CACNA2D1: variants seen among roughly 807,000 people sequenced by gnomAD.
CACNA2D1 encodes the protein voltage-dependent calcium channel subunit alpha-2/delta-1.
A neutral mutation model predicts 171.5 loss-of-function variants in CACNA2D1; 53 were observed. The ratio of observed to expected loss-of-function variants is 0.31; its 90% CI spans 0.25 to 0.39. The LOEUF is 0.39. CACNA2D1 is among the 10% of genes least tolerant of loss of function. CACNA2D1 has a pLI of 1.00. For synonymous variants in CACNA2D1, 442 were observed against 443.1 expected, an observed-to-expected ratio of 1.00 and a Z score of 0.03; for missense variants, 903 against 1,299.8, an observed-to-expected ratio of 0.69 and a Z score of 4.69.
chr7:81,969,413 C>T (rs905115630), intron 28 of CACNA2D1, among the ~76,000 whole-genome samples: 2 of 151,244 alleles, frequency 1.3e-5, no homozygotes, highest in Non-Finnish European at 3.0e-5. Context: ...AAGGTAAATA[C>T]TACCTATGTG....
At chr7:81,997,080 A>G (rs1055872517) in intron 19 of CACNA2D1, 99 bp downstream of exon 19, 1 of 791,202 alleles carries the variant, frequency 1.3e-6, no homozygotes, top group Non-Finnish European at 2.3e-6. Context: ...TATCAAACAG[A>G]CAAGCTAACA....
chr7:82,438,321 C>G (rs1422285045), intron 1 of CACNA2D1, among the ~76,000 whole-genome samples: 1 of 152,106 alleles, frequency 6.6e-6, no homozygotes, highest in Admixed American at 6.5e-5. Flanking sequence ...TATGGACATA[C>G]ACACGTATAT....
rs1816520122 is a variant in CACNA2D1 at position 82,325,374 on chromosome 7, C to CA, written c.294+9760dup. Reference sequence around the variant, plus strand: ...TAAACTACACTCTAGGTAGGTGTTACAAGCTGTAGGGCAAGCAAAATAAAT... The same window carrying CA: ...TAAACTACACTCTAGGTAGGTGTTACAAAGCTGTAGGGCAAGCAAAATAAAT... On this transcript the variant is annotated intron_variant, in intron 3 of 38. Coordinates refer to ENST00000356860, the MANE Select transcript of CACNA2D1 (RefSeq NM_000722.4). Among the ~76,000 whole-genome samples, 5 of 152,140 alleles carry CA rather than the reference C, an allele frequency of 3.3e-5. No homozygotes were observed. The South Asian group carries it at 1.0e-3, about 32-fold the overall frequency.
At chr7:82,180,968 G>C (rs1322693175) in intron 3 of CACNA2D1, among the ~76,000 whole-genome samples, 2 of 148,392 alleles carry the variant, frequency 1.3e-5, no homozygotes, top group African/African-American at 5.0e-5. Flanking sequence ...CATGCCAGAA[G>C]GGGGAACTTA....
intron 5 of CACNA2D1, among the ~76,000 whole-genome samples, chr7:82,134,687 A>AT (rs1210499720): frequency 1.3e-5 from 2 of 152,126 alleles, no homozygotes; most frequent in Non-Finnish European, 2.9e-5. Context: ...AGTAGATACT[A>AT]TTTTTTTAGA....
At chr7:82,334,029 C>A (rs539658686) in intron 3 of CACNA2D1, among the ~76,000 whole-genome samples, 5 of 152,018 alleles carry the variant, frequency 3.3e-5, no homozygotes, top group Non-Finnish European at 7.4e-5. Context: ...GAATACATAA[C>A]CTACAAATCA....
At chr7:82,185,027 A>T (rs182869739) in intron 3 of CACNA2D1, among the ~76,000 whole-genome samples, 1 of 152,288 alleles carries the variant, frequency 6.6e-6, no homozygotes, top group Admixed American at 6.5e-5. Context: ...AATAGAGGCT[A>T]CCTATTCCAG....
At chr7:82,335,301 CT>C in intron 2 of CACNA2D1, 50 bp from the exon 3 acceptor site, 1 of 1,039,788 alleles carries the variant, frequency 9.6e-7, no homozygotes, top group Non-Finnish European at 1.5e-6. Flanking sequence ...ACTTATTTGG[CT>C]TACAAGTTCC....
chr7:82,134,634 A>G (rs1791395483), intron 5 of CACNA2D1, among the ~76,000 whole-genome samples: 1 of 152,188 alleles, frequency 6.6e-6, no homozygotes, highest in Non-Finnish European at 1.5e-5. Flanking sequence ...GAAAACAGAG[A>G]AGGAATCCTT....
chr7:82,309,685 C>A (rs369253383), intron 3 of CACNA2D1, among the ~76,000 whole-genome samples: 24 of 152,276 alleles, frequency 1.6e-4, no homozygotes, highest in Admixed American at 1.4e-3. Context: ...ATGCTGGAGT[C>A]TGGAGAAGTG....
At chr7:82,420,619 T>A (rs1047432123) in intron 1 of CACNA2D1, among the ~76,000 whole-genome samples, 2 of 152,196 alleles carry the variant, frequency 1.3e-5, no homozygotes, top group Non-Finnish European at 2.9e-5. Context: ...GGAAATCCAG[T>A]TCTGTCTCTT....
At chr7:82,139,587 G>A (rs916416532) in intron 4 of CACNA2D1, among the ~76,000 whole-genome samples, 6 of 152,086 alleles carry the variant, frequency 3.9e-5, no homozygotes, top group African/African-American at 1.2e-4. Context: ...CATTGAAAAG[G>A]TGCATTTCAA....
intron 38 of CACNA2D1, among the ~76,000 whole-genome samples, chr7:81,953,308 C>T (rs886899673): frequency 1.3e-5 from 2 of 152,082 alleles, no homozygotes; most frequent in East Asian, 3.9e-4. Flanking sequence ...CATTTCTCAT[C>T]ATTCTCAGAG....
At chr7:82,190,405 A>C (rs1798171916) in intron 3 of CACNA2D1, among the ~76,000 whole-genome samples, 1 of 151,932 alleles carries the variant, frequency 6.6e-6, no homozygotes, top group South Asian at 2.1e-4. Context: ...ACTAAAAGAC[A>C]ATAGCAATTC....
intron 3 of CACNA2D1, among the ~76,000 whole-genome samples, chr7:82,279,466 A>C (rs1314488486): frequency 3.3e-5 from 5 of 152,200 alleles, no homozygotes; most frequent in Non-Finnish European, 7.3e-5. Flanking sequence ...TAGTTGTTAT[A>C]ATCCAAAATG....
chr7:82,221,283 A>C (rs2129250050), intron 3 of CACNA2D1, among the ~76,000 whole-genome samples: 1 of 152,302 alleles, frequency 6.6e-6, no homozygotes, highest in South Asian at 2.1e-4. Context: ...CACTTTTGCG[A>C]ACTGTGTTAC....
At chr7:82,293,170 A>G (rs1191500354) in intron 3 of CACNA2D1, among the ~76,000 whole-genome samples, 2 of 152,064 alleles carry the variant, frequency 1.3e-5, no homozygotes. Flanking sequence ...CCTTTTATAT[A>G]GCACTCTAAA....
Position 82,372,960 on chromosome 7 carries a change from G to A in CACNA2D1, c.96-23311C>T, listed in dbSNP as rs937395536. 5.3e-5 allele frequency among the ~76,000 whole-genome samples: 8 copies of A among 152,206 alleles called. No individual in the cohort carries two copies. In the South Asian group the frequency reaches 8.3e-4, roughly 16 times the overall value. On this transcript the variant is annotated intron_variant, in intron 1 of 38. Coordinates refer to ENST00000356860, the MANE Select transcript of CACNA2D1 (RefSeq NM_000722.4). ...AGCACTTTGGGAAGCCAAGGCAGGC[G>A]GATCACTGGACGTCAGGAGTTCGAG...
intron 3 of CACNA2D1, among the ~76,000 whole-genome samples, chr7:82,291,138 C>A (rs1197228061): frequency 1.4e-5 from 2 of 146,566 alleles, no homozygotes; most frequent in African/African-American, 5.0e-5. Context: ...CAAGTGCAGG[C>A]CACTTGTACA....
Sources: allele counts gnomAD v4.1 joint callset (sites outside exome capture counted in the v4.1 genomes callset), GRCh38; gene constraint gnomAD v4.1.1; transcripts MANE v1.5; gene names NCBI Gene and HGNC (gene_info 2026-07-23, HGNC 2026-07-21).